LIMCH1: variants seen among roughly 807,000 people sequenced by gnomAD.
The protein encoded by LIMCH1 is LIM and calponin homology domains 1, also known as LIM and calponin homology domains-containing protein 1.
LIMCH1 carries 113 observed loss-of-function variants against 176.5 expected under a neutral mutation model. That is an observed-to-expected ratio of 0.64 (90% CI 0.55 to 0.75). The LOEUF (loss-of-function observed/expected upper bound fraction) is 0.75, where lower values mean the gene tolerates loss of function less well. Among genes scored for constraint, LIMCH1 ranks in the 30% least tolerant of loss-of-function variants. The pLI is 0.00. For missense variants in LIMCH1, 1,674 were observed against 1,814.9 expected (o/e 0.92, Z 1.41); for synonymous variants, 619 against 645.9 (o/e 0.96, Z 0.63).
chr4:41,415,198 T>A (rs1208523443), intron 1 of LIMCH1, among the ~76,000 whole-genome samples: 1 of 152,070 alleles, frequency 6.6e-6, no homozygotes, highest in African/African-American at 2.4e-5. Flanking sequence ...TTCCTGAAAA[T>A]GCAGAGGGAT....
intron 1 of LIMCH1, among the ~76,000 whole-genome samples, chr4:41,464,180 C>T (rs916232241): frequency 4.0e-5 from 6 of 151,260 alleles, no homozygotes; most frequent in African/African-American, 7.3e-5. Context: ...CTCTGCTTGC[C>T]GTTGTTCTCT....
chr4:41,593,732 G>T (rs547780241), intron 1 of LIMCH1, among the ~76,000 whole-genome samples: 109 of 152,300 alleles, frequency 7.2e-4, no homozygotes, highest in African/African-American at 2.6e-3. Flanking sequence ...ACACACGTTT[G>T]TTTACATATG....
chr4:41,661,323 A>T, intron 18 of LIMCH1, 97 bp from the exon 19 acceptor site: 1 of 834,270 alleles, frequency 1.2e-6, no homozygotes, highest in Non-Finnish European at 1.9e-6. Flanking sequence ...CATATGGCCA[A>T]ACCACTTTGT....
chr4:41,485,189 A>G (rs914607025), intron 1 of LIMCH1, among the ~76,000 whole-genome samples: 3 of 152,194 alleles, frequency 2.0e-5, no homozygotes, highest in African/African-American at 7.2e-5. Flanking sequence ...TGCCATTGAC[A>G]TAGACAAACT....
intron 1 of LIMCH1, among the ~76,000 whole-genome samples, chr4:41,461,320 A>T (rs1006733405): frequency 1.2e-4 from 18 of 152,202 alleles, no homozygotes. Context: ...CTCGAGTCCT[A>T]GAATGCTGGA....
intron 15 of LIMCH1, among the ~76,000 whole-genome samples, chr4:41,644,990 G>A (rs2093999662): frequency 6.6e-6 from 1 of 152,206 alleles, no homozygotes; most frequent in African/African-American, 2.4e-5. Context: ...CATCAAATGT[G>A]TACCAGTACC....
chr4:41,610,176 G>A (rs544343483), intron 4 of LIMCH1, among the ~76,000 whole-genome samples: 56 of 152,330 alleles, frequency 3.7e-4, no homozygotes, highest in African/African-American at 1.3e-3. Flanking sequence ...AGCAACTAAC[G>A]CTCCAAGAGG....
At position 41,646,426 on chromosome 4, in the gene LIMCH1, A is replaced by G. The variant is rs952697456; in HGVS notation, c.2412-59A>G. 3.8e-6 allele frequency: 6 copies of G among 1,574,232 alleles called. No individual in the cohort carries two copies. In the African/African-American group the frequency reaches 8.2e-5, roughly 21 times the overall value. Reference sequence around the variant, plus strand: ...TTCAGTGCTACCTTCGTTTCTACCAAGGTCTTCTTTGCAATTTTCATTAGT... The same window carrying G: ...TTCAGTGCTACCTTCGTTTCTACCAGGGTCTTCTTTGCAATTTTCATTAGT... On this transcript the variant is annotated intron_variant, in intron 16 of 31. Coordinates refer to ENST00000503057, the MANE Select transcript of LIMCH1 (RefSeq NM_001330672.2).
rs2089467322 is a variant in LIMCH1, at chr4:41,599,157, A to G, written c.-134+131A>G. The G allele has an allele frequency of 2.9e-5, 17 of 595,922 alleles. 1 individual carries two copies. The South Asian group carries it at 3.8e-4, about 13-fold the overall frequency. The allele number at this position is 595,922 out of a possible 1,614,324, so 36.9% of individuals were successfully genotyped here. ...ATAAAATAAAAATGTGAAGGTAAAA[A>G]TCAACTTTCAAAACAACTCACATTG... On this transcript the variant is annotated intron_variant, in intron 2 of 31. Transcript: ENST00000503057.
At chr4:41,662,659 C>T in intron 19 of LIMCH1, 162 bp from the exon 20 acceptor site, 2 of 686,608 alleles carry the variant, frequency 2.9e-6, no homozygotes, top group Non-Finnish European at 4.7e-6. Flanking sequence ...GGAATTCCAG[C>T]ATCTTAGGCT....
At chr4:41,632,644 C>A in intron 10 of LIMCH1, 105 bp from the exon 11 acceptor site, 2 of 866,486 alleles carry the variant, frequency 2.3e-6, no homozygotes, top group Non-Finnish European at 1.8e-6. Flanking sequence ...ATGAGAGCAG[C>A]CACATTCTTC....
intron 1 of LIMCH1, among the ~76,000 whole-genome samples, chr4:41,452,437 G>A (rs1030919951): frequency 2.0e-5 from 3 of 152,062 alleles, no homozygotes; most frequent in Admixed American, 6.5e-5. Context: ...GTGGTCAGTC[G>A]CTTTTCAAAG....
At position 41,646,754 on chromosome 4, in the gene LIMCH1, G is replaced by A. The variant is rs150199410; in HGVS notation, c.2681G>A (p.Arg894His). 7.1e-5 allele frequency: 115 copies of A among 1,614,038 alleles called. No homozygotes were observed. The African/African-American group carries it at 7.9e-4, about 11-fold the overall frequency. ...FTATVETTIARASVLDTSMSA... is the reference protein window; with the variant it reads ...FTATVETTIAHASVLDTSMSA... ...GCCACTGTTGAAACCACCATTGCTC[G>A]TGCCAGTGTTCTGGATACCAGCATG... The change falls in exon 17 of 32, where the codon CGT becomes CAT. Residue 894 changes from arginine to histidine, a missense_variant. Coordinates refer to ENST00000503057, the MANE Select transcript of LIMCH1 (RefSeq NM_001330672.2).
intron 1 of LIMCH1, among the ~76,000 whole-genome samples, chr4:41,547,832 T>C (rs911652098): frequency 4.1e-4 from 57 of 138,550 alleles, no homozygotes; most frequent in Non-Finnish European, 7.7e-4. Context: ...TAAATACATA[T>C]AATGTTTTAT....
Position 41,685,563 on chromosome 4 carries a change from G to A in LIMCH1, c.3968-147G>A. The A allele has an allele frequency of 2.5e-6, 2 of 814,538 alleles. 1 individual carries two copies. Among genetic ancestry groups the A allele is most frequent in the South Asian group, 3.5e-5 (2 of 57,602 alleles). The allele number at this position is 814,538 out of a possible 1,614,324, so 50.5% of individuals were successfully genotyped here. A position where few individuals can be genotyped will look rare whatever the true frequency, so the allele number is the denominator to read the frequency against. ...ACTAAATCATGATGCAGTGATTTAA[G>A]TGGCCTCTCTAACCACCATGTGCCC... On this transcript the variant is annotated intron_variant, in intron 27 of 31. Coordinates refer to ENST00000503057, the MANE Select transcript of LIMCH1 (RefSeq NM_001330672.2).
chr4:41,632,685 T>C (rs1224094665), intron 10 of LIMCH1, 64 bp from the exon 11 acceptor site: 2 of 1,312,238 alleles, frequency 1.5e-6, no homozygotes, highest in Non-Finnish European at 2.1e-6. Context: ...GGACTTTCAC[T>C]GTCTTCTTTC....
intron 17 of LIMCH1, among the ~76,000 whole-genome samples, chr4:41,647,882 T>C (rs1221935030): frequency 6.6e-6 from 1 of 152,258 alleles, no homozygotes; most frequent in Non-Finnish European, 1.5e-5. Flanking sequence ...TGGATCACAT[T>C]GAGCTGTTTG....
At chr4:41,542,154 A>C (rs1291065585) in intron 1 of LIMCH1, among the ~76,000 whole-genome samples, 3 of 151,888 alleles carry the variant, frequency 2.0e-5, no homozygotes, top group Admixed American at 6.6e-5. Context: ...AATCTGTTGG[A>C]GTCTTTTTAG....
chr4:41,420,996 C>T lies in LIMCH1; in HGVS notation c.96+60060C>T, dbSNP rs145237378. On this transcript the variant is annotated intron_variant, in intron 1 of 26. Coordinates refer to the LIMCH1 transcript ENST00000313860. ...GTAACTAACGCTTGAGTTTGTATAGCGTGTACACCTTGACCTGGATCTTTG... is the reference window on the plus strand; with the variant it reads ...GTAACTAACGCTTGAGTTTGTATAGTGTGTACACCTTGACCTGGATCTTTG... Among the ~76,000 whole-genome samples, 1,105 of 152,276 alleles carry T rather than the reference C, an allele frequency of 7.3e-3. 8 individuals carry two copies. The highest frequency in any genetic ancestry group is 0.025 in the African/African-American group (1,042 of 41,542).
Sources: allele counts gnomAD v4.1 joint callset (sites outside exome capture counted in the v4.1 genomes callset), GRCh38; gene constraint gnomAD v4.1.1; transcripts MANE v1.5; gene names NCBI Gene and HGNC (gene_info 2026-07-23, HGNC 2026-07-21).